UNKL: variants seen among roughly 807,000 people sequenced by gnomAD.
UNKL encodes the protein unk like zinc finger.
Under a neutral mutation model 78.0 loss-of-function variants are expected in UNKL, and 60 were observed. The ratio of observed to expected loss-of-function variants is 0.77; its 90% CI spans 0.63 to 0.95. The LOEUF is 0.95. UNKL is among the 40% of genes least tolerant of loss of function. UNKL has a pLI of 0.00. For synonymous variants in UNKL, 608 were observed against 474.8 expected (o/e 1.28, Z -3.65); for missense variants, 1,159 against 1,045.7 (o/e 1.11, Z -1.49).
intron 10 of UNKL, 109 bp from the exon 11 acceptor site, chr16:1,371,720 C>T: frequency 2.5e-6 from 3 of 1,176,538 alleles, no homozygotes; most frequent in East Asian, 2.6e-5. Flanking sequence ...AGACCAAGGG[C>T]AGAAGGCGTG....
Position 1,363,205 on chromosome 16 carries a change from A to G in UNKL, c.*3035T>C, listed in dbSNP as rs2034973544. The stretch of plus-strand genomic sequence containing the variant: ...TTGTGCTCAGAGAAGCAGACAAAAC[A>G]AAGATTCAAGGTTTTAATTAATTCC... On this transcript the variant is annotated 3_prime_UTR_variant, in exon 15 of 15. Coordinates refer to ENST00000389221, the MANE Select transcript of UNKL (RefSeq NM_001372107.1). The G allele has an allele frequency of 1.1e-5, 10 of 878,112 alleles. No individual in the cohort carries two copies. Among genetic ancestry groups the G allele is most frequent in the Non-Finnish European group, 1.8e-5 (10 of 543,602 alleles). The allele number at this position is 878,112 out of a possible 1,614,324, so 54.4% of individuals were successfully genotyped here.
intron 6 of UNKL, 77 bp downstream of exon 6, chr16:1,397,101 A>G: frequency 1.4e-6 from 2 of 1,454,636 alleles, no homozygotes; most frequent in Non-Finnish European, 9.3e-7. Flanking sequence ...CTTCTGTGTG[A>G]TAACCACGCT....
rs192030652 is a variant in UNKL at position 1,368,799 on chromosome 16, G to T, written c.1586-941C>A. Among the ~76,000 whole-genome samples, 297 of 152,202 alleles carry T rather than the reference G, an allele frequency of 2.0e-3. 2 individuals carry two copies. Among genetic ancestry groups the T allele is most frequent in the African/African-American group, 6.1e-3 (253 of 41,520 alleles). On this transcript the variant is annotated intron_variant, in intron 12 of 14. Transcript: ENST00000389221. ...ACCTGTGATCCCAGCTACTCGGGAGGCTGAGACATGACAATCATTTTAACC... is the reference window on the plus strand; with the variant it reads ...ACCTGTGATCCCAGCTACTCGGGAGTCTGAGACATGACAATCATTTTAACC...
intron 10 of UNKL, among the ~76,000 whole-genome samples, chr16:1,374,302 C>G (rs560926572): frequency 1.3e-5 from 2 of 152,328 alleles, no homozygotes; most frequent in East Asian, 3.9e-4. Context: ...GGGGCCCTGC[C>G]CTGTCGTCCC....
At chr16:1,402,555 C>T (rs1362382678) in intron 3 of UNKL, among the ~76,000 whole-genome samples, 6 of 151,968 alleles carry the variant, frequency 3.9e-5, no homozygotes, top group South Asian at 2.1e-4. Context: ...CCCAGCTACT[C>T]GGGAGGCTGA....
At position 1,387,003 on chromosome 16, in the gene UNKL, G is replaced by A. The variant is rs1256366684; in HGVS notation, c.1087-1618C>T. ...CAGAGACCACTTTTCCTCAAGCCAT[G>A]AAAAAACGGACCACAGTCCACCCCG... On this transcript the variant is annotated intron_variant, in intron 9 of 14. Coordinates refer to ENST00000389221, the MANE Select transcript of UNKL (RefSeq NM_001372107.1). The surrounding 1 kb of genome is among the most constrained non-coding windows in gnomAD (Gnocchi z 4.1). Among the ~76,000 whole-genome samples the A allele has an allele frequency of 2.6e-5, 4 of 152,116 alleles. No homozygotes were observed. The highest frequency in any genetic ancestry group is 2.6e-4 in the Admixed American group (4 of 15,272).
At chr16:1,368,579 G>A (rs1454189409) in intron 12 of UNKL, among the ~76,000 whole-genome samples, 54 of 130,538 alleles carry the variant, frequency 4.1e-4, no homozygotes, top group African/African-American at 1.4e-3. Flanking sequence ...TCCGCAGTCC[G>A]GCCTGGGCGA....
At chr16:1,392,438 C>A (rs180892841) in intron 8 of UNKL, among the ~76,000 whole-genome samples, 2 of 151,990 alleles carry the variant, frequency 1.3e-5, no homozygotes, top group East Asian at 3.9e-4. Flanking sequence ...CCTCTTCCCC[C>A]CTCTTTTTTT....
chr16:1,395,789 G>C (rs138044344), intron 6 of UNKL: 3 of 455,870 alleles, frequency 6.6e-6, no homozygotes, highest in Admixed American at 4.7e-5. Flanking sequence ...AAAACGCCCC[G>C]GACACCGGAC....
rs1261122835 is a variant in UNKL at position 1,366,053 on chromosome 16, G to T, written c.*187C>A. The T allele has an allele frequency of 8.2e-6, 5 of 610,022 alleles. No individual in the cohort carries two copies. Among genetic ancestry groups the T allele is most frequent in the Non-Finnish European group, 1.3e-5 (5 of 380,896 alleles). The allele number at this position is 610,022 out of a possible 1,614,324, so 37.8% of individuals were successfully genotyped here. ...TCGGTAGGACTAGATAGGTGACAACGTGTGACAGGAAAGGCTGTCAGGCCA... is the reference window on the plus strand; with the variant it reads ...TCGGTAGGACTAGATAGGTGACAACTTGTGACAGGAAAGGCTGTCAGGCCA... On this transcript the variant is annotated 3_prime_UTR_variant, in exon 15 of 15. Transcript: ENST00000389221.
chr16:1,368,243 T>C, intron 12 of UNKL: 1 of 253,460 alleles, frequency 3.9e-6, no homozygotes, highest in Non-Finnish European at 7.6e-6. Flanking sequence ...CAGAGCTGTG[T>C]CCATGTGGTG....
Position 1,410,952 on chromosome 16 carries a change from C to T in UNKL, c.287+2894G>A, listed in dbSNP as rs1321579456. On this transcript the variant is annotated intron_variant, in intron 2 of 14. Coordinates refer to ENST00000389221, the MANE Select transcript of UNKL (RefSeq NM_001372107.1). Reference sequence around the variant, plus strand: ...CAACCTGCCTTAACAACACTATGGCCGGGTGTGGTGGTTTGCACCTATAAT... The same window carrying T: ...CAACCTGCCTTAACAACACTATGGCTGGGTGTGGTGGTTTGCACCTATAAT... 6.6e-5 allele frequency among the ~76,000 whole-genome samples: 10 copies of T among 152,146 alleles called. 1 individual carries two copies. In the South Asian group the frequency reaches 8.3e-4, roughly 13 times the overall value.
intron 10 of UNKL, among the ~76,000 whole-genome samples, chr16:1,376,285 T>G: frequency 7.5e-6 from 1 of 133,430 alleles, no homozygotes; most frequent in Non-Finnish European, 1.6e-5. Context: ...TGGGGCACGC[T>G]CCTCCTCCAC....
At chr16:1,369,054 AGTTTTT>A (rs2035553593) in intron 12 of UNKL, among the ~76,000 whole-genome samples, 2 of 70,504 alleles carry the variant, frequency 2.8e-5, no homozygotes, top group African/African-American at 1.0e-4. Flanking sequence ...CCAAAGTATT[AGTTTTT>A]TTTTTTTTTT....
chr16:1,393,803 G>C (rs2037147604), intron 7 of UNKL, among the ~76,000 whole-genome samples: 1 of 152,198 alleles, frequency 6.6e-6, no homozygotes, highest in African/African-American at 2.4e-5. Flanking sequence ...CAGCTTGGAT[G>C]CCCAGGAGGC....
Position 1,394,213 on chromosome 16 carries a change from G to A in UNKL, c.855C>T (p.Ile285=), listed in dbSNP as rs2037164757. Residue 285 remains isoleucine (I), a splice_region_variant and synonymous_variant, in exon 7 of 15, where the codon ATC becomes ATT. Transcript: ENST00000389221. ...TGTCGTTGCATTTTGTAGATTTGTA[G>A]ATCTGGGGAAAAAAGTGAAATAAAG... The part of the protein sequence containing the change: ...SRTEQQFHPE[I]YKSTKCNDMR... The A allele has an allele frequency of 1.3e-6, 2 of 1,550,672 alleles. No homozygotes were observed. The highest frequency in any genetic ancestry group is 2.4e-5 in the South Asian group (2 of 84,062).
intron 2 of UNKL, among the ~76,000 whole-genome samples, chr16:1,405,152 GCCA>G (rs1303341012): frequency 6.8e-6 from 1 of 146,038 alleles, no homozygotes; most frequent in Non-Finnish European, 1.5e-5. Flanking sequence ...TCGTGATTGT[GCCA>G]CCACACTTCA....
At chr16:1,374,949 G>C (rs959582624) in intron 10 of UNKL, among the ~76,000 whole-genome samples, 51 of 152,258 alleles carry the variant, frequency 3.3e-4, no homozygotes, top group African/African-American at 1.2e-3. Flanking sequence ...CCGCACATGA[G>C]ATTTGTCGGG....
At chr16:1,394,071 G>T in intron 7 of UNKL, 60 bp downstream of exon 7, 2 of 1,508,422 alleles carry the variant, frequency 1.3e-6, no homozygotes, top group Non-Finnish European at 1.8e-6. Flanking sequence ...TAACTCCAGT[G>T]AGGGCCTGCA....
Sources: allele counts gnomAD v4.1 joint callset (sites outside exome capture counted in the v4.1 genomes callset), GRCh38; gene constraint gnomAD v4.1.1; non-coding constraint Gnocchi (gnomAD v3.1); transcripts MANE v1.5; gene names NCBI Gene and HGNC (gene_info 2026-07-23, HGNC 2026-07-21).